STOX2: variants seen among roughly 807,000 people sequenced by gnomAD.
The protein encoded by STOX2 is storkhead box 2, also known as storkhead-box protein 2.
A neutral mutation model predicts 60.9 loss-of-function variants in STOX2; 28 were observed. The ratio of observed to expected loss-of-function variants is 0.46; its 90% confidence interval spans 0.34 to 0.63. The LOEUF is 0.63. Ranked by LOEUF, STOX2 falls within the 30% of genes least tolerant of loss-of-function variation. The pLI is 0.01. For missense variants in STOX2, 1,024 were observed against 1,187.7 expected, an observed-to-expected ratio of 0.86 and a Z score of 2.03; for synonymous variants, 472 against 463.9, an observed-to-expected ratio of 1.02 and a Z score of -0.22.
At chr4:183,921,120 C>CTGAGGATAGCAGGAGGCTAGGATCTA (rs1284142050) in intron 1 of STOX2, among the ~76,000 whole-genome samples, 7 of 152,142 alleles carry the variant, frequency 4.6e-5, no homozygotes, top group Non-Finnish European at 1.0e-4. Flanking sequence ...GAACATTATT[C>CTGAGGATAGCAGGAGGCTAGGATCTA]TGAGGATAGC....
intron 1 of STOX2, among the ~76,000 whole-genome samples, chr4:183,968,199 C>CA (rs1203852701): frequency 6.6e-6 from 1 of 152,142 alleles, no homozygotes; most frequent in African/African-American, 2.4e-5. Context: ...GTTCAAAGAA[C>CA]ACTTCAATAA....
At chr4:183,829,866 C>G (rs950846596) in intron 1 of STOX2, among the ~76,000 whole-genome samples, 2 of 152,096 alleles carry the variant, frequency 1.3e-5, no homozygotes, top group African/African-American at 2.4e-5. Context: ...ACTTACACTC[C>G]CAAAGAGACA....
At chr4:183,917,128 G>A (rs1401733136) in intron 1 of STOX2, among the ~76,000 whole-genome samples, 3 of 152,242 alleles carry the variant, frequency 2.0e-5, no homozygotes, top group African/African-American at 7.2e-5. Flanking sequence ...CAGTTTAAAT[G>A]TATAGATACG....
At chr4:183,911,124 A>G (rs1047392723) in intron 1 of STOX2, among the ~76,000 whole-genome samples, 1 of 149,324 alleles carries the variant, frequency 6.7e-6, no homozygotes, top group Non-Finnish European at 1.5e-5. Flanking sequence ...GAGCAAGTGC[A>G]AGACTTCTGA....
chr4:183,896,311 G>C (rs1741338528), intron 1 of STOX2, among the ~76,000 whole-genome samples: 1 of 152,156 alleles, frequency 6.6e-6, no homozygotes, highest in African/African-American at 2.4e-5. Flanking sequence ...ATCAGGCGCA[G>C]GCCATTCTCC....
intron 1 of STOX2, among the ~76,000 whole-genome samples, chr4:183,854,279 C>G (rs144612668): frequency 6.6e-6 from 1 of 152,146 alleles, no homozygotes; most frequent in Admixed American, 6.5e-5. Flanking sequence ...TTCTCATGAA[C>G]CTCCATTAAA....
At position 183,922,520 on chromosome 4, in the gene STOX2, A is replaced by G. The variant is rs555493477; in HGVS notation, c.166+15564A>G. On this transcript the variant is annotated intron_variant, in intron 1 of 3. Coordinates refer to ENST00000308497, the MANE Select transcript of STOX2 (RefSeq NM_020225.3). ...CCCACCACGCCCGGCTAATTTTTGT[A>G]TTTTTAGTAGAGACGGGGTTTCACC... 7.2e-5 allele frequency among the ~76,000 whole-genome samples: 11 copies of G among 151,936 alleles called. No homozygotes were observed. In the South Asian group the frequency reaches 2.3e-3, roughly 32 times the overall value.
chr4:183,818,633 G>A (rs1010125410), intron 1 of STOX2, among the ~76,000 whole-genome samples: 6 of 151,944 alleles, frequency 3.9e-5, no homozygotes, highest in Non-Finnish European at 8.8e-5. Context: ...ACGGGGTGGC[G>A]GCCGGGCAGA....
intron 1 of STOX2, chr4:183,798,097 G>T: frequency 8.2e-7 from 1 of 1,223,244 alleles, no homozygotes; most frequent in Non-Finnish European, 1.0e-6. Context: ...CCTTCCCACC[G>T]GATCGCGTCC....
intron 1 of STOX2, among the ~76,000 whole-genome samples, chr4:183,823,635 A>T (rs1739354973): frequency 6.6e-6 from 1 of 152,184 alleles, no homozygotes; most frequent in South Asian, 2.1e-4. Context: ...GCCCACAAGA[A>T]GTTCCAGCAA....
At chr4:183,858,465 A>G (rs1393494355) in intron 1 of STOX2, among the ~76,000 whole-genome samples, 2 of 152,088 alleles carry the variant, frequency 1.3e-5, no homozygotes, top group Non-Finnish European at 2.9e-5. Context: ...CCACGGCCGG[A>G]GCCTCCCTGC....
chr4:183,970,106 A>G (rs1579485623), intron 1 of STOX2, among the ~76,000 whole-genome samples: 2 of 147,448 alleles, frequency 1.4e-5, no homozygotes, highest in Admixed American at 1.4e-4. Context: ...CTGTCTTGCT[A>G]GGTTTCTCAA....
intron 1 of STOX2, among the ~76,000 whole-genome samples, chr4:183,968,681 A>G (rs1223319765): frequency 1.3e-5 from 2 of 151,070 alleles, no homozygotes; most frequent in African/African-American, 4.9e-5. Context: ...TTGTGGCCCA[A>G]GCCAAGTTAT....
rs139429903 is a variant in STOX2, at chr4:183,834,688, G to A, written c.364+36633G>A. Among the ~76,000 whole-genome samples the A allele has an allele frequency of 6.6e-5, 10 of 152,298 alleles. No homozygotes were observed. The East Asian group carries it at 1.9e-3, about 29-fold the overall frequency. The stretch of plus-strand genomic sequence containing the variant: ...GGTCTTACAATGATAGTCATATTAG[G>A]CAAAGAGAACACAAAGTCTCTTGAA... On this transcript the variant is annotated intron_variant, in intron 1 of 2. Transcript: ENST00000513034.
chr4:184,012,979 A>G (rs894816300), intron 3 of STOX2, among the ~76,000 whole-genome samples: 1 of 152,210 alleles, frequency 6.6e-6, no homozygotes, highest in South Asian at 2.1e-4. Context: ...AATCCGTGGT[A>G]GAAGTTGAGA....
In STOX2 at chr4:183,815,795, G is replaced by A. The variant is rs543736008; in HGVS notation, c.364+17740G>A. Among the ~76,000 whole-genome samples the A allele has an allele frequency of 6.6e-5, 10 of 152,370 alleles. No individual in the cohort carries two copies. In the South Asian group the frequency reaches 2.1e-3, roughly 32 times the overall value. On this transcript the variant is annotated intron_variant, in intron 1 of 2. Transcript: ENST00000513034. The stretch of plus-strand genomic sequence containing the variant: ...CTCGAACACTGCATGGGCAACAAAT[G>A]CGATACCTTAAATAAGGTATAAATG...
intron 1 of STOX2, among the ~76,000 whole-genome samples, chr4:183,979,973 T>C (rs1732589674): frequency 1.3e-5 from 2 of 152,238 alleles, no homozygotes; most frequent in African/African-American, 4.8e-5. Context: ...TTTAATTTTA[T>C]TTAATTTAGA....
intron 1 of STOX2, among the ~76,000 whole-genome samples, chr4:183,983,873 C>A (rs989574869): frequency 6.6e-6 from 1 of 152,318 alleles, no homozygotes; most frequent in South Asian, 2.1e-4. Flanking sequence ...CAGCCTTGAA[C>A]TCCTGCCCTC....
At chr4:183,801,268 G>T (rs942194290) in intron 1 of STOX2, among the ~76,000 whole-genome samples, 14 of 152,140 alleles carry the variant, frequency 9.2e-5, no homozygotes, top group African/African-American at 3.4e-4. Context: ...AACCTACTGT[G>T]GGCATATAGA....
Sources: gnomAD v4.1 joint callset for allele counts (sites outside exome capture counted in the v4.1 genomes callset) on GRCh38, gnomAD v4.1.1 for gene constraint, MANE v1.5 for transcripts, NCBI Gene and HGNC (gene_info 2026-07-23, HGNC 2026-07-21) for gene names.